The following RAP1A variants were observed in gnomAD, a reference collection of about 807,000 sequenced individuals.
RAP1A encodes the protein ras-related protein Rap-1A.
Under a neutral mutation model 26.4 loss-of-function variants are expected in RAP1A, and 6 were observed. The observed-to-expected ratio is 0.23, with a 90% CI of 0.12 to 0.45. The LOEUF (loss-of-function observed/expected upper bound fraction) is 0.45. Ranked by LOEUF, RAP1A falls within the 20% of genes least tolerant of loss-of-function variation. RAP1A has a pLI of 0.99. For synonymous variants in RAP1A, 73 were observed against 79.4 expected (o/e 0.92, Z 0.43); for missense variants, 121 against 217.2 (o/e 0.56, Z 2.78).
intron 1 of RAP1A, among the ~76,000 whole-genome samples, chr1:111,683,359 C>CAA (rs749962088): frequency 6.6e-6 from 1 of 151,938 alleles, no homozygotes; most frequent in Non-Finnish European, 1.5e-5. Context: ...AAAAAACCTT[C>CAA]AAAAAATCAA....
At chr1:111,594,478 C>CGGAA (rs10633362) in intron 1 of RAP1A, among the ~76,000 whole-genome samples, 54,070 of 133,316 alleles carry the variant, frequency 0.41, 10,646 homozygotes, top group Middle Eastern at 0.55. Context: ...AGACAAAAAA[C>CGGAA]GGAAGGAAGG....
intron 1 of RAP1A, among the ~76,000 whole-genome samples, chr1:111,605,680 C>A (rs1167288406): frequency 1.3e-5 from 2 of 152,188 alleles, no homozygotes; most frequent in African/African-American, 2.4e-5. Context: ...AACACTGTTA[C>A]AGGCCAAAGT....
At chr1:111,671,313 C>G (rs1468584551) in intron 1 of RAP1A, among the ~76,000 whole-genome samples, 1 of 152,120 alleles carries the variant, frequency 6.6e-6, no homozygotes, top group East Asian at 1.9e-4. Context: ...ATGACCATAT[C>G]TAGATATGTT....
chr1:111,594,187 T>C (rs1658519695), intron 1 of RAP1A, among the ~76,000 whole-genome samples: 1 of 152,156 alleles, frequency 6.6e-6, no homozygotes, highest in South Asian at 2.1e-4. Flanking sequence ...GAGCAAAATT[T>C]GATCTTGAGA....
In RAP1A at chr1:111,695,209, A is replaced by T. The variant is rs2143800; in HGVS notation, c.58-132A>T. 1.6e-4 allele frequency: 92 copies of T among 557,580 alleles called. 2 individuals are homozygous for T. The highest frequency in any genetic ancestry group is 4.1e-4 in the South Asian group (17 of 41,112). 34.5% of individuals were successfully genotyped at this position (557,580 alleles called of 1,614,324 possible). A position where few individuals can be genotyped will look rare whatever the true frequency, so the allele number is the denominator to read the frequency against. ...TATCCTTATATTGAAAGAATTAATA[A>T]TATACTTTACATTTACGTGTTTACC... is the stretch of plus-strand genomic sequence containing the variant. On this transcript the variant is annotated intron_variant, in intron 2 of 7. Coordinates refer to ENST00000369709, the MANE Select transcript of RAP1A (RefSeq NM_002884.4).
At chr1:111,585,948 G>A (rs72983104) in intron 1 of RAP1A, among the ~76,000 whole-genome samples, 9,491 of 152,204 alleles carry the variant, frequency 0.062, 953 homozygotes, top group African/African-American at 0.22. Flanking sequence ...GACAATTCCT[G>A]CCACCCTCCA....
At chr1:111,674,258 G>C (rs1383633271) in intron 1 of RAP1A, among the ~76,000 whole-genome samples, 1 of 151,302 alleles carries the variant, frequency 6.6e-6, no homozygotes, top group Non-Finnish European at 1.5e-5. Context: ...CTTGTGTTTA[G>C]CTGTCAGTAT....
intron 1 of RAP1A, among the ~76,000 whole-genome samples, chr1:111,561,416 C>T (rs1657731214): frequency 6.6e-6 from 1 of 152,216 alleles, no homozygotes; most frequent in East Asian, 1.9e-4. Context: ...GCCACCGTGC[C>T]CAGCTCCAAT....
At position 111,542,720 on chromosome 1, in the gene RAP1A, G is replaced by A. The variant is rs553711674; in HGVS notation, c.-28+211G>A. Reference sequence around the variant, plus strand: ...TGTTTTTTTTTTCTTTTTTTGAGATGGAGTCTCACCCTGTCACCCAGGCTG... The same window carrying A: ...TGTTTTTTTTTTCTTTTTTTGAGATAGAGTCTCACCCTGTCACCCAGGCTG... On this transcript the variant is annotated intron_variant, in intron 1 of 7. Coordinates refer to the RAP1A transcript ENST00000356415. Among the ~76,000 whole-genome samples, 4 of 151,232 alleles carry A rather than the reference G, an allele frequency of 2.6e-5. No homozygotes were observed. In the South Asian group the frequency reaches 8.4e-4, roughly 32 times the overall value.
At chr1:111,580,452 C>T (rs1033142462) in intron 1 of RAP1A, among the ~76,000 whole-genome samples, 8 of 152,110 alleles carry the variant, frequency 5.3e-5, no homozygotes, top group Non-Finnish European at 7.4e-5. Context: ...AAAGAGAAAT[C>T]GGGGCTGGAA....
Position 111,716,279 on chromosome 1 carries a change from T to G in RAP1A, c.*3878T>G, listed in dbSNP as rs550891603. 22 of 152,206 alleles carry G rather than the reference T, an allele frequency of 1.4e-4. No homozygotes were observed. Among genetic ancestry groups the G allele is most frequent in the Non-Finnish European group, 2.9e-4 (20 of 68,024 alleles). 9.4% of individuals were successfully genotyped at this position (152,206 alleles called of 1,614,324 possible). On this transcript the variant is annotated 3_prime_UTR_variant, in exon 8 of 8. Transcript: ENST00000369709. ...CTTTGAGGCGGTCTAACTACCCAGC[T>G]TTTAGTATTTATGTTCCCCAAAATG... is the stretch of plus-strand genomic sequence containing the variant.
At chr1:111,662,415 A>G (rs1032027856) in intron 1 of RAP1A, among the ~76,000 whole-genome samples, 8 of 142,576 alleles carry the variant, frequency 5.6e-5, no homozygotes, top group Non-Finnish European at 7.8e-5. Context: ...AAAAAAAAAA[A>G]AAATTAACTT....
Position 111,542,996 on chromosome 1 carries a change from C to T in RAP1A, c.-28+487C>T, listed in dbSNP as rs554993732. ...ACAAGCGTGAGTGAGCCATGGCGCC[C>T]GGCCATGTATTTGTTTTATAACCAT... On this transcript the variant is annotated intron_variant, in intron 1 of 7. Coordinates refer to the RAP1A transcript ENST00000356415. Among the ~76,000 whole-genome samples, 157 of 152,212 alleles carry T rather than the reference C, an allele frequency of 1.0e-3. 1 individual carries two copies. Among genetic ancestry groups the T allele is most frequent in the Non-Finnish European group, 1.1e-3 (74 of 68,028 alleles).
intron 1 of RAP1A, among the ~76,000 whole-genome samples, chr1:111,690,034 G>T (rs1416218612): frequency 6.6e-6 from 1 of 152,028 alleles, no homozygotes; most frequent in Non-Finnish European, 1.5e-5. Flanking sequence ...GCTGGACATT[G>T]TTAATTTTAT....
chr1:111,675,424 A>G (rs528179265), intron 1 of RAP1A, among the ~76,000 whole-genome samples: 23 of 152,198 alleles, frequency 1.5e-4, no homozygotes, highest in African/African-American at 5.1e-4. Flanking sequence ...GTGAGCCGAG[A>G]TCGCGCCACT....
intron 2 of RAP1A, among the ~76,000 whole-genome samples, chr1:111,692,373 A>G (rs774510768): frequency 2.3e-4 from 35 of 152,230 alleles, no homozygotes; most frequent in South Asian, 6.2e-4. Context: ...GGTGCCATCA[A>G]TATGGTGATG....
At chr1:111,711,809 T>C (rs1309072246) in intron 7 of RAP1A, among the ~76,000 whole-genome samples, 1 of 152,228 alleles carries the variant, frequency 6.6e-6, no homozygotes, top group East Asian at 1.9e-4. Flanking sequence ...CATGTTAATC[T>C]CCTTTTTATA....
intron 1 of RAP1A, among the ~76,000 whole-genome samples, chr1:111,584,542 A>G (rs72981097): frequency 0.1 from 15,711 of 152,094 alleles, 2,754 homozygotes; most frequent in African/African-American, 0.36. Context: ...AGCCCTCATG[A>G]GTTAATCACT....
At chr1:111,610,148 C>T (rs1224675227) in intron 1 of RAP1A, among the ~76,000 whole-genome samples, 1 of 152,114 alleles carries the variant, frequency 6.6e-6, no homozygotes, top group Non-Finnish European at 1.5e-5. Context: ...TACTATATTC[C>T]TTTGCTTGAG....
Sources: allele counts gnomAD v4.1 joint callset (sites outside exome capture counted in the v4.1 genomes callset), GRCh38; gene constraint gnomAD v4.1.1; transcripts MANE v1.5; gene names NCBI Gene and HGNC (gene_info 2026-07-23, HGNC 2026-07-21).